The following RNF19B variants were observed in gnomAD, a reference collection of about 807,000 sequenced individuals.
RNF19B encodes the protein E3 ubiquitin-protein ligase RNF19B.
In RNF19B, 23 loss-of-function variants were observed where a neutral mutation model predicts 65.5. The ratio of observed to expected loss-of-function variants is 0.35; its 90% CI spans 0.25 to 0.50. The LOEUF is 0.50. Ranked by LOEUF, RNF19B falls within the 20% of genes least tolerant of loss-of-function variation. RNF19B has a pLI of 0.98. For missense variants in RNF19B, 794 were observed against 980.0 expected (o/e 0.81, Z 2.53); for synonymous variants, 372 against 379.6 (o/e 0.98, Z 0.23).
At chr1:32,961,663 T>C (rs912453303) in intron 1 of RNF19B, among the ~76,000 whole-genome samples, 10 of 152,070 alleles carry the variant, frequency 6.6e-5, no homozygotes, top group African/African-American at 2.4e-4. Flanking sequence ...TATATAACTA[T>C]ATATATGATT....
intron 1 of RNF19B, among the ~76,000 whole-genome samples, chr1:32,959,458 C>T (rs1161461377): frequency 6.6e-6 from 1 of 152,148 alleles, no homozygotes; most frequent in African/African-American, 2.4e-5. Context: ...TCTGAAAAGA[C>T]ATACTTGGGC....
At chr1:32,937,438 G>A (rs547844664) in intron 8 of RNF19B, 179 bp from the exon 9 acceptor site, 19 of 996,652 alleles carry the variant, frequency 1.9e-5, no homozygotes, top group Admixed American at 6.2e-5. Flanking sequence ...GAGGCTGGAC[G>A]TGGTGGCTCA....
chr1:32,954,406 C>G (rs1330454884), intron 1 of RNF19B, among the ~76,000 whole-genome samples: 1 of 151,866 alleles, frequency 6.6e-6, no homozygotes, highest in East Asian at 1.9e-4. Flanking sequence ...GGTCTGAGCT[C>G]TTGCCTCTGA....
intron 3 of RNF19B, 33 bp downstream of exon 3, chr1:32,948,189 C>T: frequency 6.2e-7 from 1 of 1,607,552 alleles, no homozygotes; most frequent in East Asian, 2.2e-5. Flanking sequence ...GAGAATGAGA[C>T]TACGAAAGGA....
In RNF19B at chr1:32,949,577, G is replaced by A; in HGVS notation, c.833C>T (p.Ser278Phe). 6.2e-7 allele frequency: 1 copy of A among 1,613,992 alleles called. No homozygotes were observed. The highest frequency in any genetic ancestry group is 8.5e-7 in the Non-Finnish European group (1 of 1,179,970). Residue 278 changes from serine to phenylalanine, a missense_variant, in exon 2 of 9, where the codon TCT becomes TTT. By Grantham distance (155) the Ser-to-Phe change is radical. Transcript: ENST00000235150. ...ATAATGCCAACTTATACCTGGTCCA[G>A]ATTCTTGCCCATAACTGAGACCTGA... is the stretch of plus-strand genomic sequence containing the variant. ...HTSGLSYGQESGPDDIKPCPR... is the reference protein window; with the variant it reads ...HTSGLSYGQEFGPDDIKPCPR...
chr1:32,937,291 T>C (rs1642130229), intron 8 of RNF19B, 32 bp from the exon 9 acceptor site: 2 of 1,612,348 alleles, frequency 1.2e-6, no homozygotes, highest in Non-Finnish European at 8.5e-7. Context: ...TGCTGAGTCA[T>C]GCATGGATCA....
chr1:32,949,265 T>G (rs1191871208), intron 2 of RNF19B, among the ~76,000 whole-genome samples: 1 of 152,210 alleles, frequency 6.6e-6, no homozygotes, highest in African/African-American at 2.4e-5. Context: ...AATGAAAGTT[T>G]TGAAAAAGCC....
downstream of RNF19B, among the ~76,000 whole-genome samples, chr1:32,931,860 T>G (rs1234386444): frequency 1.3e-5 from 2 of 152,234 alleles, no homozygotes; most frequent in African/African-American, 4.8e-5. Flanking sequence ...CCAAAAGACA[T>G]TTCATTTCAG....
chr1:32,938,336 T>C, intron 8 of RNF19B, 61 bp downstream of exon 8: 1 of 1,593,252 alleles, frequency 6.3e-7, no homozygotes, highest in East Asian at 2.2e-5. Context: ...ATTGAACTTC[T>C]GAAGACCTAG....
Position 32,964,577 on chromosome 1 carries a change from T to C in RNF19B, c.109A>G (p.Ser37Gly). The C allele has an allele frequency of 7.0e-7, 1 of 1,420,332 alleles. No individual in the cohort carries two copies. The highest frequency in any genetic ancestry group is 9.2e-7 in the Non-Finnish European group (1 of 1,086,504). The allele number at this position is 1,420,332 out of a possible 1,614,324, so 88.0% of individuals were successfully genotyped here. Residue 37 changes from serine (S) to glycine (G), a missense_variant, in exon 1 of 9, where the codon AGC becomes GGC. Around this residue, in one of 3 missense-constraint regions of RNF19B, gnomAD observed 374 missense variants for 423.8 expected, o/e 0.88. Transcript: ENST00000235150. The surrounding 1 kb of genome is among the most constrained non-coding windows in gnomAD (Gnocchi z 6.5). ...GGRRRRLTLH[S>G]VFSASARGRR... Reference sequence around the variant, plus strand: ...CCGCGGGCCGAGGCAGAGAAGACGCTGTGCAAGGTGAGGCGCCGGCGCCGG... The same window carrying C: ...CCGCGGGCCGAGGCAGAGAAGACGCCGTGCAAGGTGAGGCGCCGGCGCCGG...
At chr1:32,930,377 C>T in the RNF19B span, among the ~76,000 whole-genome samples, 2 of 146,968 alleles carry the variant, frequency 1.4e-5, no homozygotes, top group African/African-American at 5.0e-5. Context: ...CCCAATGTTC[C>T]GGGATTACAG....
In RNF19B at chr1:32,955,536, T is replaced by C. The variant is rs1210848214; in HGVS notation, c.636-5762A>G. 3.4e-5 allele frequency among the ~76,000 whole-genome samples: 5 copies of C among 148,552 alleles called. 1 individual carries two copies. The highest frequency in any genetic ancestry group is 1.9e-4 in the East Asian group (1 of 5,132). On this transcript the variant is annotated intron_variant, in intron 1 of 8. Coordinates refer to ENST00000235150, the MANE Select transcript of RNF19B (RefSeq NM_001300826.2). ...CTTGAGCTCAGGAGTTCGAGACCAG[T>C]CTGGGCAACATGGCAAAACCCCATC... is the stretch of plus-strand genomic sequence containing the variant.
intron 7 of RNF19B, among the ~76,000 whole-genome samples, chr1:32,939,121 C>T (rs1426139734): frequency 1.3e-5 from 2 of 152,176 alleles, no homozygotes; most frequent in Non-Finnish European, 1.5e-5. Flanking sequence ...GGAACTATCA[C>T]TTCCCCTCAT....
rs1264974469 is a variant in RNF19B, at chr1:32,964,794, C to T, written c.-109G>A. ...GCCGACGCCGCCACCACCGCCTCAA[C>T]CGCCCTCCCGGCGATAGAAGCCGAG... On this transcript the variant is annotated 5_prime_UTR_variant, in exon 1 of 9. Coordinates refer to ENST00000235150, the MANE Select transcript of RNF19B (RefSeq NM_001300826.2). The surrounding 1 kb of genome is among the most constrained non-coding windows in gnomAD (Gnocchi z 6.5). 1.6e-5 allele frequency: 17 copies of T among 1,065,154 alleles called. No individual in the cohort carries two copies. Among genetic ancestry groups the T allele is most frequent in the Non-Finnish European group, 1.9e-5 (16 of 821,080 alleles). 66.0% of individuals were successfully genotyped at this position (1,065,154 alleles called of 1,614,324 possible). A position where few individuals can be genotyped will look rare whatever the true frequency, so the allele number is the denominator to read the frequency against.
In RNF19B at chr1:32,952,695, T is replaced by C. The variant is rs572485217; in HGVS notation, c.636-2921A>G. ...AGGTGGAGGTTGCAGTGAGCAGAGA[T>C]TGCGCCACCATGGGTGTCACTCCAG... On this transcript the variant is annotated intron_variant, in intron 1 of 8. Coordinates refer to ENST00000235150, the MANE Select transcript of RNF19B (RefSeq NM_001300826.2). 1.3e-3 allele frequency among the ~76,000 whole-genome samples: 200 copies of C among 151,298 alleles called. 3 individuals are homozygous for C. The highest frequency in any genetic ancestry group is 2.5e-3 in the Non-Finnish European group (166 of 67,734).
chr1:32,955,704 G>A (rs1642621520), intron 1 of RNF19B, among the ~76,000 whole-genome samples: 2 of 150,584 alleles, frequency 1.3e-5, no homozygotes, highest in South Asian at 4.2e-4. Flanking sequence ...AGCCAAGATC[G>A]TGCCACTGCA....
chr1:32,946,667 C>T, intron 3 of RNF19B, 103 bp from the exon 4 acceptor site: 2 of 1,023,156 alleles, frequency 2.0e-6, no homozygotes, highest in Non-Finnish European at 1.4e-6. Flanking sequence ...TAAGGATTAA[C>T]AGAAGAGTTT....
intron 7 of RNF19B, among the ~76,000 whole-genome samples, 192 bp downstream of exon 7, chr1:32,942,060 G>A (rs1227962661): frequency 2.6e-5 from 4 of 152,154 alleles, no homozygotes; most frequent in African/African-American, 9.7e-5. Context: ...TCACGCCATG[G>A]CACTCCAGCC....
chr1:32,932,922 T>G (rs1300893333), downstream of RNF19B, among the ~76,000 whole-genome samples: 1 of 152,236 alleles, frequency 6.6e-6, no homozygotes, highest in Non-Finnish European at 1.5e-5. Flanking sequence ...ATGTCTGGTA[T>G]GTGCTTCCCC....
Sources: allele counts gnomAD v4.1 joint callset (sites outside exome capture counted in the v4.1 genomes callset), GRCh38; gene constraint gnomAD v4.1.1; regional missense constraint gnomAD v4.1.1; non-coding constraint Gnocchi (gnomAD v3.1); transcripts MANE v1.5; gene names NCBI Gene and HGNC (gene_info 2026-07-23, HGNC 2026-07-21).